The following ATF6B variants were observed in gnomAD, a reference collection of about 807,000 sequenced individuals.
ATF6B encodes cyclic AMP-dependent transcription factor ATF-6 beta.
In ATF6B, 50 loss-of-function variants were observed where a neutral mutation model predicts 83.5. That is an observed-to-expected ratio of 0.60 (90% CI 0.48 to 0.76). The LOEUF is 0.76. Among genes scored for constraint, ATF6B ranks in the 30% least tolerant of loss-of-function variants. The pLI is 0.00. For missense variants in ATF6B, 790 were observed against 893.8 expected, an observed-to-expected ratio of 0.88 and a Z score of 1.48; for synonymous variants, 344 against 362.8, an observed-to-expected ratio of 0.95 and a Z score of 0.59.
intron 5 of ATF6B, 89 bp downstream of exon 5, chr6:32,126,028 A>G: frequency 6.6e-7 from 1 of 1,511,094 alleles, no homozygotes; most frequent in Admixed American, 1.9e-5. Flanking sequence ...TGCTGCCTGC[A>G]CTTCCCCTCC....
rs1462374498 is a variant in ATF6B, at chr6:32,127,500, G to A, written c.192C>T (p.Asp64=). ...CAGAGGGGCTGACATCCATCCCCAC[G>A]TCCAGGGAGCTGCCGTCAAACTAAA... ...QDVPFDGSSL[D]VGMDVSPSEP... is the part of the protein sequence containing the mutation. The change falls in exon 3 of 18, where the codon GAC becomes GAT. Residue 64 remains aspartate (D), a synonymous_variant. Transcript: ENST00000375203. 1.2e-6 allele frequency: 2 copies of A among 1,613,494 alleles called. No individual in the cohort carries two copies. Among genetic ancestry groups the A allele is most frequent in the Non-Finnish European group, 1.7e-6 (2 of 1,179,600 alleles).
Position 32,119,262 on chromosome 6 carries a change from C to T in ATF6B, c.967-121G>A, listed in dbSNP as rs1396845884. 1.7e-6 allele frequency: 2 copies of T among 1,205,224 alleles called. No individual in the cohort carries two copies. Among genetic ancestry groups the T allele is most frequent in the Non-Finnish European group, 2.3e-6 (2 of 883,830 alleles). The allele number at this position is 1,205,224 out of a possible 1,614,324, so 74.7% of individuals were successfully genotyped here. ...TGGCCATTCCCCTGCCTTCCTGACC[C>T]ACCTACATAGCCAGAGAGGTTTTTC... is the stretch of plus-strand genomic sequence containing the variant. On this transcript the variant is annotated intron_variant, in intron 9 of 17. Transcript: ENST00000375203. This position sits in a 1 kb window ranked among gnomAD's most constrained non-coding sequence, Gnocchi z 4.9.
chr6:32,118,901 AT>A lies in ATF6B; in HGVS notation c.1153-36del. On this transcript the variant is annotated intron_variant, in intron 10 of 17. Transcript: ENST00000375203. This position sits in a 1 kb window ranked among gnomAD's most constrained non-coding sequence, Gnocchi z 5.2. The stretch of plus-strand genomic sequence containing the variant: ...AAAGAAGGAGACAAGAAAAAGGGGA[AT>A]CATTCCAAGGAGGCTGTATTCCTGT... The A allele has an allele frequency of 6.2e-7, 1 of 1,614,174 alleles. No individual in the cohort carries two copies. The highest frequency in any genetic ancestry group is 8.5e-7 in the Non-Finnish European group (1 of 1,180,024).
Position 32,125,268 on chromosome 6 carries a change from C to G in ATF6B, c.478+849G>C, listed in dbSNP as rs1319028921. On this transcript the variant is annotated intron_variant, in intron 5 of 17. Coordinates refer to ENST00000375203, the MANE Select transcript of ATF6B (RefSeq NM_004381.5). The surrounding 1 kb of genome is among the most constrained non-coding windows in gnomAD (Gnocchi z 4.1). ...ATCTTTGCATTCCCAGCATGCTGCTCAGTATCTGGCATGGAGTAGGTGCTT... is the reference window on the plus strand; with the variant it reads ...ATCTTTGCATTCCCAGCATGCTGCTGAGTATCTGGCATGGAGTAGGTGCTT... Among the ~76,000 whole-genome samples, 1 of 152,206 alleles carries G rather than the reference C, an allele frequency of 6.6e-6. No homozygotes were observed. The highest frequency in any genetic ancestry group is 1.5e-5 in the Non-Finnish European group (1 of 68,046).
chr6:32,117,654 G>A lies in ATF6B; in HGVS notation c.1465C>T (p.Leu489=). ...AFPGGAKELL[L]RDLDQLFLSS... ...AGGAAGAGCTGGTCTAGGTCTCTTA[G>A]TAGTAGCTCCTTGGCGCCCCCAGGG... The change falls in exon 13 of 18, where the codon CTA becomes TTA. Residue 489 remains leucine (L), a synonymous_variant. Coordinates refer to ENST00000375203, the MANE Select transcript of ATF6B (RefSeq NM_004381.5). The surrounding 1 kb of genome is among the most constrained non-coding windows in gnomAD (Gnocchi z 5.0). The A allele has an allele frequency of 6.2e-7, 1 of 1,614,200 alleles. No homozygotes were observed. The highest frequency in any genetic ancestry group is 8.5e-7 in the Non-Finnish European group (1 of 1,180,020).
At chr6:32,120,118 G>C in intron 8 of ATF6B, 161 bp from the exon 9 acceptor site, 2 of 936,136 alleles carry the variant, frequency 2.1e-6, no homozygotes, top group Non-Finnish European at 3.1e-6. Context: ...TCTTTTTTGA[G>C]ATGCAGTCTT....
At chr6:32,121,191 A>C in intron 6 of ATF6B, 67 bp from the exon 7 acceptor site, 1 of 1,609,804 alleles carries the variant, frequency 6.2e-7, no homozygotes, top group Non-Finnish European at 8.5e-7. Context: ...TGAAGAAGGG[A>C]AAGCTCTCAT....
rs568219484 is a variant in ATF6B, at chr6:32,118,562, C to T, written c.1244+213G>A. ...AGTGAGCCGAGATCGTGCCACTGCA[C>T]TCCAGCCTGGGCAACAGAACAAGGC... On this transcript the variant is annotated intron_variant, in intron 11 of 17. Coordinates refer to ENST00000375203, the MANE Select transcript of ATF6B (RefSeq NM_004381.5). The surrounding 1 kb of genome is among the most constrained non-coding windows in gnomAD (Gnocchi z 5.2). 5.9e-5 allele frequency among the ~76,000 whole-genome samples: 9 copies of T among 152,284 alleles called. No homozygotes were observed. Among genetic ancestry groups the T allele is most frequent in the African/African-American group, 2.2e-4 (9 of 41,538 alleles).
chr6:32,127,818 C>T, intron 1 of ATF6B, 68 bp from the exon 2 acceptor site: 1 of 1,524,578 alleles, frequency 6.6e-7, no homozygotes, highest in Non-Finnish European at 9.1e-7. Flanking sequence ...CACAAGCCCC[C>T]GCCCCATCCC....
In ATF6B at chr6:32,115,944, G is replaced by C. The variant is rs1025577259; in HGVS notation, c.1907C>G (p.Pro636Arg). The C allele has an allele frequency of 3.1e-6, 5 of 1,613,756 alleles. No individual in the cohort carries two copies. The highest frequency in any genetic ancestry group is 4.2e-6 in the Non-Finnish European group (5 of 1,179,806). Reference protein sequence around the residue: ...PNETLSGRGAPGDYEEMMQIE... With the variant: ...PNETLSGRGARGDYEEMMQIE... The stretch of plus-strand genomic sequence containing the variant: ...CTGCATCATCTCCTCATAGTCCCCC[G>C]GGGCCCCACGGCCTGACAGGGTCTC... The change falls in exon 18 of 18, where the codon CCG becomes CGG. Residue 636 changes from proline to arginine, a missense_variant. Pro to Arg is a moderately radical substitution (Grantham distance 103). Transcript: ENST00000375203.
chr6:32,117,821 C>T lies in ATF6B; in HGVS notation c.1424+38G>A, dbSNP rs204890. On this transcript the variant is annotated intron_variant, in intron 12 of 17. Coordinates refer to ENST00000375203, the MANE Select transcript of ATF6B (RefSeq NM_004381.5). The surrounding 1 kb of genome is among the most constrained non-coding windows in gnomAD (Gnocchi z 5.0). The stretch of plus-strand genomic sequence containing the variant: ...AAAGCGGGGAGAAGACCAACTCATA[C>T]CCTCAAACGAGAGGGGGCCCTCTCT... 0.04 allele frequency: 61,805 copies of T among 1,555,400 alleles called. 1,570 individuals carry two copies. The highest frequency in any genetic ancestry group is 0.096 in the African/African-American group (7,064 of 73,546).
Position 32,115,895 on chromosome 6 carries a change from G to C in ATF6B, c.1956C>G (p.Thr652=), listed in dbSNP as rs1170338019. 3 of 1,613,998 alleles carry C rather than the reference G, an allele frequency of 1.9e-6. No individual in the cohort carries two copies. Among genetic ancestry groups the C allele is most frequent in the Admixed American group, 3.3e-5 (2 of 60,000 alleles). ...TGGAGGTCTTGATGTGAATCACCCTGGTGTCCATGACCTCACACTCGATCT... is the reference window on the plus strand; with the variant it reads ...TGGAGGTCTTGATGTGAATCACCCTCGTGTCCATGACCTCACACTCGATCT... ...MMQIECEVMD[T]RVIHIKTSTV... is the part of the protein sequence containing the mutation. The change falls in exon 18 of 18, where the codon ACC becomes ACG. Residue 652 remains threonine, a synonymous_variant. Transcript: ENST00000375203.
At position 32,116,016 on chromosome 6, in the gene ATF6B, G is replaced by A; in HGVS notation, c.1883-48C>T. On this transcript the variant is annotated intron_variant, in intron 17 of 17. Transcript: ENST00000375203. This position sits in a 1 kb window ranked among gnomAD's most constrained non-coding sequence, Gnocchi z 5.1. ...GAAGAGGAGATGGGGAGGCAAACAG[G>A]GATTGCAGGGAGGAGGGGAGGAGGT... The A allele has an allele frequency of 1.4e-6, 2 of 1,469,754 alleles. No homozygotes were observed. The highest frequency in any genetic ancestry group is 1.9e-6 in the Non-Finnish European group (2 of 1,061,876). The allele number at this position is 1,469,754 out of a possible 1,614,324, so 91.0% of individuals were successfully genotyped here.
rs768406392 is a variant in ATF6B at position 32,127,541 on chromosome 6, G to A, written c.172-21C>T. The A allele has an allele frequency of 1.7e-5, 27 of 1,611,024 alleles. 2 individuals are homozygous for A. In the South Asian group the frequency reaches 2.9e-4, roughly 17 times the overall value. On this transcript the variant is annotated intron_variant, in intron 2 of 17. Coordinates refer to ENST00000375203, the MANE Select transcript of ATF6B (RefSeq NM_004381.5). ...TCAAACTAAATAAGGGAGGATACAA[G>A]AGGGCAGGAGTGTGAGAAAGGATGA...
At position 32,128,211 on chromosome 6, in the gene ATF6B, T is replaced by TGGGGCC; in HGVS notation, c.-5_-4insGGCCCC. 2.0e-6 allele frequency: 3 copies of TGGGGCC among 1,536,758 alleles called. No individual in the cohort carries two copies. The highest frequency in any genetic ancestry group is 2.7e-6 in the Non-Finnish European group (3 of 1,131,386). ...TGAGCAGCATCAGCTCCGCCATCTT[T>TGGGGCC]CCCCCCCACCCCCCAACCAGGAGAC... On this transcript the variant is annotated 5_prime_UTR_variant, in exon 1 of 18. Coordinates refer to ENST00000375203, the MANE Select transcript of ATF6B (RefSeq NM_004381.5).
Position 32,119,261 on chromosome 6 carries a change from C to A in ATF6B, c.967-120G>T. ...ATGGCCATTCCCCTGCCTTCCTGAC[C>A]CACCTACATAGCCAGAGAGGTTTTT... is the stretch of plus-strand genomic sequence containing the variant. On this transcript the variant is annotated intron_variant, in intron 9 of 17. Transcript: ENST00000375203. This position sits in a 1 kb window ranked among gnomAD's most constrained non-coding sequence, Gnocchi z 4.9. 2.5e-6 allele frequency: 3 copies of A among 1,213,206 alleles called. No individual in the cohort carries two copies. The highest frequency in any genetic ancestry group is 3.4e-6 in the Non-Finnish European group (3 of 890,708). The allele number at this position is 1,213,206 out of a possible 1,614,324, so 75.2% of individuals were successfully genotyped here. A position where few individuals can be genotyped will look rare whatever the true frequency, so the allele number is the denominator to read the frequency against.
At position 32,127,666 on chromosome 6, in the gene ATF6B, A is replaced by C. The variant is rs1782041797; in HGVS notation, c.171+5T>G. On this transcript the variant is annotated splice_donor_5th_base_variant and intron_variant, in intron 2 of 17. Transcript: ENST00000375203. ...AGGGTTAGAGAAAGGCTGGGGACAC[A>C]ATACCGGGACATCCTGCTCCGGGCA... is the stretch of plus-strand genomic sequence containing the variant. 6.2e-7 allele frequency: 1 copy of C among 1,614,192 alleles called. No homozygotes were observed. The highest frequency in any genetic ancestry group is 8.5e-7 in the Non-Finnish European group (1 of 1,180,026).
rs750529064 is a variant in ATF6B, at chr6:32,119,046, C to T, written c.1062G>A (p.Glu354=). ...CAGCCAGTACTGCTTGCAGCCGAGC[C>T]TCCAGTCCCTGCAGATACTCTTTCT... ...RKKKEYLQGL[E]ARLQAVLADN... Residue 354 remains glutamate, a synonymous_variant, in exon 10 of 18, where the codon GAG becomes GAA. Transcript: ENST00000375203. The surrounding 1 kb of genome is among the most constrained non-coding windows in gnomAD (Gnocchi z 4.9). 4.3e-6 allele frequency: 7 copies of T among 1,614,084 alleles called. No individual in the cohort carries two copies. Among genetic ancestry groups the T allele is most frequent in the Non-Finnish European group, 5.1e-6 (6 of 1,180,054 alleles).
rs563319892 is a variant in ATF6B, at chr6:32,117,433, C to T, written c.1533-29G>A. On this transcript the variant is annotated intron_variant, in intron 13 of 17. Transcript: ENST00000375203. This position sits in a 1 kb window ranked among gnomAD's most constrained non-coding sequence, Gnocchi z 5.0. ...GGGAAATGGAGGAGCTCAGGACCTC[C>T]ATGCCAGGCCAAGATTCCCACCCTC... 6.2e-7 allele frequency: 1 copy of T among 1,611,692 alleles called. No individual in the cohort carries two copies. Among genetic ancestry groups the T allele is most frequent in the Non-Finnish European group, 8.5e-7 (1 of 1,178,668 alleles).
Sources: gnomAD v4.1 joint callset for allele counts (sites outside exome capture counted in the v4.1 genomes callset) on GRCh38, gnomAD v4.1.1 for gene constraint, Gnocchi (gnomAD v3.1) non-coding constraint, MANE v1.5 for transcripts, NCBI Gene and HGNC (gene_info 2026-07-23, HGNC 2026-07-21) for gene names.